RTL4: variants seen among roughly 807,000 people sequenced by gnomAD.
The protein encoded by RTL4 is retrotransposon Gag like 4.
A neutral mutation model predicts 5.3 loss-of-function variants in RTL4; 4 were observed. That is an observed-to-expected ratio of 0.75 (90% CI 0.37 to 1.72). The LOEUF (loss-of-function observed/expected upper bound fraction) is 1.72, where lower values mean the gene tolerates loss of function less well. Among genes scored for constraint, RTL4 ranks in the 40% most tolerant of loss-of-function variants. The pLI is 0.04. For missense variants in RTL4, 260 were observed against 227.1 expected (o/e 1.14, Z -0.93); for synonymous variants, 98 against 87.3 (o/e 1.12, Z -0.68).
At chrX:112,246,013 G>T in the RTL4 span, among the ~76,000 whole-genome samples, 3 of 112,299 alleles carry the variant, frequency 2.7e-5, no homozygotes, top group Admixed American at 9.4e-5. Flanking sequence ...TGTTTCCCAG[G>T]GTATCACCAG....
chrX:112,137,717 C>G, the RTL4 span, among the ~76,000 whole-genome samples: 7 of 111,642 alleles, frequency 6.3e-5, no homozygotes, highest in African/African-American at 2.3e-4. Context: ...CAAACCATAA[C>G]AGATGGCTAT....
At chrX:112,454,479 CT>C, upstream of RTL4, 1 of 335,288 alleles carries the variant, frequency 3.0e-6, no homozygotes, top group Non-Finnish European at 5.2e-6. Context: ...TCTAAGGTAA[CT>C]TATTTCTTCC....
chrX:112,328,611 T>A, the RTL4 span, among the ~76,000 whole-genome samples: 1 of 110,883 alleles, frequency 9.0e-6, no homozygotes, highest in Non-Finnish European at 1.9e-5. Flanking sequence ...AGAGAGAAAG[T>A]CAACAAGGAT....
At chrX:112,118,379 C>G in the RTL4 span, among the ~76,000 whole-genome samples, 4 of 112,325 alleles carry the variant, frequency 3.6e-5, no homozygotes, top group Non-Finnish European at 7.5e-5. Context: ...CAGCTATTGG[C>G]CAGAGTCTTC....
chrX:112,350,309 A>G, the RTL4 span, among the ~76,000 whole-genome samples: 1 of 109,433 alleles, frequency 9.1e-6, no homozygotes, highest in African/African-American at 3.3e-5. Context: ...CATCAAGGAT[A>G]TTGGTCTAAA....
the RTL4 span, among the ~76,000 whole-genome samples, chrX:112,366,897 A>G: frequency 2.7e-5 from 3 of 111,782 alleles, no homozygotes; most frequent in Non-Finnish European, 5.7e-5. Context: ...CAGCCCTGTA[A>G]TAGAATCCTG....
the RTL4 span, among the ~76,000 whole-genome samples, chrX:112,345,096 C>A: frequency 9.0e-6 from 1 of 111,377 alleles, no homozygotes; most frequent in Non-Finnish European, 1.9e-5. Context: ...TGGGTGGGGA[C>A]ACAGTCAAAC....
At chrX:112,454,867 C>G (rs751577156) in exon 1 of RTL4, 20 of 1,211,238 alleles carry the variant, frequency 1.7e-5, no homozygotes, top group Middle Eastern at 4.6e-4. Context: ...CATGCCTGCC[C>G]TGGCCACCAC....
the RTL4 span, chrX:112,381,974 A>C: frequency 8.3e-7 from 1 of 1,209,223 alleles, no homozygotes; most frequent in Non-Finnish European, 1.1e-6. Flanking sequence ...CTCCTCTGGC[A>C]TCAAGAGAGA....
chrX:112,145,719 G>T, the RTL4 span, among the ~76,000 whole-genome samples: 2 of 111,728 alleles, frequency 1.8e-5, no homozygotes, highest in Non-Finnish European at 3.8e-5. Context: ...ATGGGATAGA[G>T]AATACACTGG....
At chrX:112,348,821 G>T in the RTL4 span, among the ~76,000 whole-genome samples, 1 of 110,359 alleles carries the variant, frequency 9.1e-6, no homozygotes, top group South Asian at 3.9e-4. Flanking sequence ...TGAATAAATA[G>T]TGTGGTGGAG....
the RTL4 span, among the ~76,000 whole-genome samples, chrX:112,220,262 G>A: frequency 8.9e-6 from 1 of 111,840 alleles, no homozygotes; most frequent in Non-Finnish European, 1.9e-5. Context: ...TGTTCTTTTG[G>A]GCTCACAATA....
At chrX:112,380,761 G>C in the RTL4 span, among the ~76,000 whole-genome samples, 1 of 112,141 alleles carries the variant, frequency 8.9e-6, no homozygotes, top group South Asian at 3.7e-4. Flanking sequence ...GGCAGGGCTG[G>C]TGAGTCAACT....
At chrX:112,430,980 T>C in the RTL4 span, among the ~76,000 whole-genome samples, 1 of 112,249 alleles carries the variant, frequency 8.9e-6, no homozygotes, top group East Asian at 2.8e-4. Context: ...TTTAGTAATG[T>C]AGCAGTAAGG....
the RTL4 span, among the ~76,000 whole-genome samples, chrX:112,173,107 C>T: frequency 2.7e-5 from 3 of 109,709 alleles, no homozygotes; most frequent in Non-Finnish European, 3.8e-5. Context: ...TCAAGGCACA[C>T]GTTTACCTAT....
the RTL4 span, among the ~76,000 whole-genome samples, chrX:112,119,671 T>C: frequency 8.9e-6 from 1 of 111,818 alleles, no homozygotes; most frequent in Admixed American, 9.5e-5. Context: ...TCTTCACTGA[T>C]AAAGGAAGCA....
At chrX:112,212,030 G>C in the RTL4 span, among the ~76,000 whole-genome samples, 1 of 112,113 alleles carries the variant, frequency 8.9e-6, no homozygotes, top group Non-Finnish European at 1.9e-5. Flanking sequence ...TATCTCACCT[G>C]TAAACTAGGG....
the RTL4 span, among the ~76,000 whole-genome samples, chrX:112,392,537 G>A: frequency 1.8e-5 from 2 of 111,132 alleles, no homozygotes; most frequent in Admixed American, 9.5e-5. Flanking sequence ...GTCAGAAGGT[G>A]TCAACAGTGA....
chrX:112,179,259 T>A, the RTL4 span, among the ~76,000 whole-genome samples: 2 of 110,283 alleles, frequency 1.8e-5, no homozygotes, highest in African/African-American at 6.6e-5. Flanking sequence ...AGGGTGGGGG[T>A]CTAGAGGGAA....
Sources: gnomAD v4.1 joint callset for allele counts (sites outside exome capture counted in the v4.1 genomes callset) on GRCh38, gnomAD v4.1.1 for gene constraint, MANE v1.5 for transcripts, NCBI Gene and HGNC (gene_info 2026-07-23, HGNC 2026-07-21) for gene names.